ADAM10: variants seen among roughly 807,000 people sequenced by gnomAD.
The protein encoded by ADAM10 is ADAM metallopeptidase domain 10, also known as disintegrin and metalloproteinase domain-containing protein 10.
Under a neutral mutation model 90.1 loss-of-function variants are expected in ADAM10, and 17 were observed. The observed-to-expected ratio is 0.19, with a 90% CI of 0.13 to 0.28. The LOEUF (loss-of-function observed/expected upper bound fraction) is 0.28. ADAM10 is among the 10% of genes least tolerant of loss of function. The pLI is 1.00. For missense variants in ADAM10, 610 were observed against 914.3 expected (o/e 0.67, Z 4.29); for synonymous variants, 310 against 298.6 (o/e 1.04, Z -0.40).
At chr15:58,654,789 A>G (rs1180577354) in intron 5 of ADAM10, among the ~76,000 whole-genome samples, 2 of 152,082 alleles carry the variant, frequency 1.3e-5, no homozygotes, top group African/African-American at 4.8e-5. Context: ...TTTCCATGTG[A>G]TTGTATAGTT....
chr15:58,611,209 T>C lies in ADAM10; in HGVS notation c.1696-102A>G, dbSNP rs1473928196. The C allele has an allele frequency of 6.2e-5, 51 of 826,784 alleles. 2 individuals carry two copies. The highest frequency in any genetic ancestry group is 4.2e-4 in the South Asian group (29 of 68,604). 51.2% of individuals were successfully genotyped at this position (826,784 alleles called of 1,614,324 possible). On this transcript the variant is annotated intron_variant, in intron 12 of 15. Coordinates refer to ENST00000260408, the MANE Select transcript of ADAM10 (RefSeq NM_001110.4). ...TATGAGCTTCCAATGTCAAAATATT[T>C]AAATGGAAATGAAAGTGAAAAACAA...
chr15:58,647,246 G>GCATTTTTTTTTT (rs1896569038), intron 5 of ADAM10, among the ~76,000 whole-genome samples: 7 of 36,828 alleles, frequency 1.9e-4, no homozygotes, highest in African/African-American at 5.2e-4. Flanking sequence ...TAGACACTAA[G>GCATTTTTTTTTT]TATTTTTTTT....
At chr15:58,742,050 T>C (rs1899632460) in intron 1 of ADAM10, among the ~76,000 whole-genome samples, 1 of 152,194 alleles carries the variant, frequency 6.6e-6, no homozygotes, top group Non-Finnish European at 1.5e-5. Flanking sequence ...AACTACAATA[T>C]ATAATTGGAA....
At position 58,640,023 on chromosome 15, in the gene ADAM10, C is replaced by T. The variant is rs1896373915; in HGVS notation, c.1012+754G>A. Among the ~76,000 whole-genome samples, 4 of 152,084 alleles carry T rather than the reference C, an allele frequency of 2.6e-5. 1 individual carries two copies. Among genetic ancestry groups the T allele is most frequent in the Admixed American group, 2.6e-4 (4 of 15,266 alleles). On this transcript the variant is annotated intron_variant, in intron 8 of 15. Coordinates refer to ENST00000260408, the MANE Select transcript of ADAM10 (RefSeq NM_001110.4). ...TTCAAAGAGCCTGGGGTCCTTTCCACTCATCTTTCAATTAATAAATTTGGA... is the reference window on the plus strand; with the variant it reads ...TTCAAAGAGCCTGGGGTCCTTTCCATTCATCTTTCAATTAATAAATTTGGA...
At chr15:58,657,187 G>C (rs897089732) in intron 5 of ADAM10, among the ~76,000 whole-genome samples, 1 of 152,016 alleles carries the variant, frequency 6.6e-6, no homozygotes, top group African/African-American at 2.4e-5. Flanking sequence ...GGTTAAATAC[G>C]CTTGGTGCTT....
chr15:58,713,899 GT>G (rs1343302717), intron 2 of ADAM10, among the ~76,000 whole-genome samples: 1 of 150,848 alleles, frequency 6.6e-6, no homozygotes, highest in Admixed American at 6.6e-5. Context: ...TGCAACCTCT[GT>G]GTCCCTGGTT....
intron 11 of ADAM10, among the ~76,000 whole-genome samples, chr15:58,616,174 A>G (rs914697161): frequency 6.6e-5 from 10 of 152,208 alleles, no homozygotes; most frequent in Non-Finnish European, 1.5e-4. Context: ...AACTCCAATA[A>G]AGTAACGGTT....
At chr15:58,635,855 T>C (rs1454794296) in intron 8 of ADAM10, among the ~76,000 whole-genome samples, 4 of 152,126 alleles carry the variant, frequency 2.6e-5, no homozygotes, top group African/African-American at 9.7e-5. Context: ...TTCTGCACTT[T>C]TAGGGTCTGG....
intron 1 of ADAM10, among the ~76,000 whole-genome samples, chr15:58,743,710 T>C (rs1054977749): frequency 3.3e-5 from 5 of 152,178 alleles, no homozygotes; most frequent in Non-Finnish European, 7.3e-5. Flanking sequence ...GTTCAAGCGA[T>C]TCTCCTGCCT....
At chr15:58,685,685 G>A (rs1299737496) in intron 2 of ADAM10, among the ~76,000 whole-genome samples, 1 of 150,686 alleles carries the variant, frequency 6.6e-6, no homozygotes, top group Admixed American at 6.6e-5. Flanking sequence ...CAATAAACTA[G>A]TAACAATGGT....
At chr15:58,691,890 G>C (rs148405671) in intron 2 of ADAM10, among the ~76,000 whole-genome samples, 277 of 151,940 alleles carry the variant, frequency 1.8e-3, no homozygotes, top group Non-Finnish European at 2.9e-3. Context: ...TGACCAGGCT[G>C]GTCTTGAACT....
At chr15:58,613,019 A>C (rs1365786864) in intron 11 of ADAM10, among the ~76,000 whole-genome samples, 1 of 152,178 alleles carries the variant, frequency 6.6e-6, no homozygotes, top group Non-Finnish European at 1.5e-5. Flanking sequence ...GCCATGTCAG[A>C]CCTGACACCA....
chr15:58,686,507 G>A (rs544993420), intron 2 of ADAM10: 62 of 1,425,294 alleles, frequency 4.3e-5, no homozygotes, highest in African/African-American at 2.1e-4. Flanking sequence ...TCAGGCAGCC[G>A]CAGAGCTTCA....
At chr15:58,655,718 TATA>T (rs1566982410) in intron 5 of ADAM10, among the ~76,000 whole-genome samples, 4 of 72,066 alleles carry the variant, frequency 5.6e-5, no homozygotes, top group African/African-American at 2.8e-4. Context: ...ATAGTATATA[TATA>T]TATATATATA....
chr15:58,619,504 G>C (rs1895716552), intron 11 of ADAM10, among the ~76,000 whole-genome samples: 1 of 152,122 alleles, frequency 6.6e-6, no homozygotes, highest in African/African-American at 2.4e-5. Context: ...AAATATCTGA[G>C]GAGATAAATA....
intron 2 of ADAM10, among the ~76,000 whole-genome samples, chr15:58,696,165 G>A (rs562569256): frequency 9.9e-5 from 15 of 151,788 alleles, no homozygotes; most frequent in African/African-American, 3.1e-4. Flanking sequence ...AGTGGCACAC[G>A]CTACTCCCAG....
intron 1 of ADAM10, among the ~76,000 whole-genome samples, chr15:58,722,726 CTTTTTTTTT>C (rs71116592): frequency 9.6e-6 from 1 of 104,002 alleles, no homozygotes; most frequent in Non-Finnish European, 1.8e-5. Flanking sequence ...AATTTGAGAA[CTTTTTTTTT>C]TTTTTTTTTT....
At chr15:58,689,816 T>C (rs1434932213) in intron 2 of ADAM10, among the ~76,000 whole-genome samples, 1 of 151,912 alleles carries the variant, frequency 6.6e-6, no homozygotes, top group East Asian at 1.9e-4. Context: ...ATTTAAGGCC[T>C]TTCCACAAGA....
intron 2 of ADAM10, among the ~76,000 whole-genome samples, chr15:58,713,345 ATCCTTTCACCTC>A (rs1898537821): frequency 6.6e-6 from 1 of 152,110 alleles, no homozygotes; most frequent in African/African-American, 2.4e-5. Flanking sequence ...GGCTCAAGTG[ATCCTTTCACCTC>A]AGCCTCCCAA....
Sources: allele counts gnomAD v4.1 joint callset (sites outside exome capture counted in the v4.1 genomes callset), GRCh38; gene constraint gnomAD v4.1.1; transcripts MANE v1.5; gene names NCBI Gene and HGNC (gene_info 2026-07-23, HGNC 2026-07-21).